The following CACNA2D1 variants were observed in gnomAD, a reference collection of about 807,000 sequenced individuals.
CACNA2D1 encodes voltage-dependent calcium channel subunit alpha-2/delta-1.
CACNA2D1 carries 53 observed loss-of-function variants against 171.5 expected under a neutral mutation model. That is an observed-to-expected ratio of 0.31 (90% CI 0.25 to 0.39). The LOEUF (loss-of-function observed/expected upper bound fraction) is 0.39, where lower values mean the gene tolerates loss of function less well. CACNA2D1 is among the 10% of genes least tolerant of loss of function. The pLI, the probability that CACNA2D1 is intolerant of heterozygous loss-of-function variation, is 1.00. For missense variants in CACNA2D1, 903 were observed against 1,299.8 expected, an observed-to-expected ratio of 0.69 and a Z score of 4.69; for synonymous variants, 442 against 443.1, an observed-to-expected ratio of 1.00 and a Z score of 0.03.
chr7:82,101,144 C>T (rs74341659), intron 6 of CACNA2D1, among the ~76,000 whole-genome samples: 6,268 of 152,118 alleles, frequency 0.041, 182 homozygotes, highest in Middle Eastern at 0.061. Flanking sequence ...GTAGTCACCA[C>T]ACACTAACAT....
intron 3 of CACNA2D1, among the ~76,000 whole-genome samples, chr7:82,311,289 A>G (rs1814434655): frequency 6.6e-6 from 1 of 152,062 alleles, no homozygotes; most frequent in South Asian, 2.1e-4. Flanking sequence ...GACTACAAGT[A>G]TTCTTAAATA....
chr7:82,376,596 C>T (rs1823039639), intron 1 of CACNA2D1, among the ~76,000 whole-genome samples: 1 of 152,106 alleles, frequency 6.6e-6, no homozygotes, highest in African/African-American at 2.4e-5. Context: ...ACTTCTTTTC[C>T]GAATATACAT....
chr7:82,305,493 T>G, intron 3 of CACNA2D1, among the ~76,000 whole-genome samples: 1 of 152,240 alleles, frequency 6.6e-6, no homozygotes, highest in Non-Finnish European at 1.5e-5. Context: ...TCTAGGAAAT[T>G]AACTCAACCA....
At chr7:82,392,290 C>T (rs1329688166) in intron 1 of CACNA2D1, among the ~76,000 whole-genome samples, 4 of 152,204 alleles carry the variant, frequency 2.6e-5, no homozygotes, top group Middle Eastern at 6.3e-3. Flanking sequence ...AAGGCCCAGA[C>T]CCAGCCACAC....
rs774565705 is a variant in CACNA2D1 at position 82,000,771 on chromosome 7, C to CTTTTTTTTTTT, written c.1591-3532_1591-3522dup. 1.6e-3 allele frequency among the ~76,000 whole-genome samples: 81 copies of CTTTTTTTTTTT among 51,958 alleles called. 16 individuals carry two copies. Among genetic ancestry groups the CTTTTTTTTTTT allele is most frequent in the Non-Finnish European group, 2.3e-3 (65 of 27,694 alleles). The allele number at this position is 51,958 out of a possible 152,430, so 34.1% of individuals were successfully genotyped here. A position where few individuals can be genotyped will look rare whatever the true frequency, so the allele number is the denominator to read the frequency against. On this transcript the variant is annotated intron_variant, in intron 18 of 38. Coordinates refer to ENST00000356860, the MANE Select transcript of CACNA2D1 (RefSeq NM_000722.4). Reference sequence around the variant, plus strand: ...TACCATGCCTAACTAATTTTTCTTTCTTTTTTTTTTTTTTTTTTTTTTTTT... The same window carrying CTTTTTTTTTTT: ...TACCATGCCTAACTAATTTTTCTTTCTTTTTTTTTTTTTTTTTTTTTTTTTTTTTTTTTTTT...
chr7:82,253,767 C>T (rs1563263753), intron 3 of CACNA2D1, among the ~76,000 whole-genome samples: 1 of 152,094 alleles, frequency 6.6e-6, no homozygotes, highest in Non-Finnish European at 1.5e-5. Flanking sequence ...CAGAAACTTG[C>T]AAGGTCTCAG....
chr7:82,352,902 G>A (rs1047599122), intron 1 of CACNA2D1, among the ~76,000 whole-genome samples: 1 of 152,174 alleles, frequency 6.6e-6, no homozygotes, highest in African/African-American at 2.4e-5. Flanking sequence ...TATGGAATGA[G>A]GGCAGGAGTG....
Position 81,968,982 on chromosome 7 carries a change from A to T in CACNA2D1, c.2309-9T>A, listed in dbSNP as rs370816599. On this transcript the variant is annotated splice_polypyrimidine_tract_variant and intron_variant, in intron 28 of 38. Transcript: ENST00000356860. ...GGCACCAGGTCCACTTTCTAAAAAA[A>T]AAATAAATAAATAAAACACCTATCA... 324 of 1,444,342 alleles carry T rather than the reference A, an allele frequency of 2.2e-4. 1 individual carries two copies. The highest frequency in any genetic ancestry group is 1.6e-3 in the African/African-American group (112 of 71,456). 89.5% of individuals were successfully genotyped at this position (1,444,342 alleles called of 1,614,324 possible). A position where few individuals can be genotyped will look rare whatever the true frequency, so the allele number is the denominator to read the frequency against.
intron 26 of CACNA2D1, among the ~76,000 whole-genome samples, chr7:81,971,564 T>C (rs1161173666): frequency 2.0e-5 from 3 of 151,636 alleles, no homozygotes; most frequent in Non-Finnish European, 3.0e-5. Context: ...CTGAAGTGTA[T>C]GTGCATGAAA....
intron 3 of CACNA2D1, among the ~76,000 whole-genome samples, chr7:82,219,580 T>C (rs1563217463): frequency 6.6e-6 from 1 of 152,154 alleles, no homozygotes; most frequent in African/African-American, 2.4e-5. Context: ...TAAGTTGTGT[T>C]TTAACCATTT....
At chr7:82,383,540 A>G (rs1287739818) in intron 1 of CACNA2D1, among the ~76,000 whole-genome samples, 1 of 152,238 alleles carries the variant, frequency 6.6e-6, no homozygotes, top group Non-Finnish European at 1.5e-5. Context: ...GAATTCCAAT[A>G]AAAATGGACA....
intron 1 of CACNA2D1, among the ~76,000 whole-genome samples, chr7:82,381,162 CAATT>C (rs1318905570): frequency 6.6e-6 from 1 of 151,608 alleles, no homozygotes; most frequent in African/African-American, 2.4e-5. Context: ...AATGCAAAAA[CAATT>C]AACTGGCCGT....
chr7:82,279,933 C>A (rs1379937726), intron 3 of CACNA2D1, among the ~76,000 whole-genome samples: 1 of 151,946 alleles, frequency 6.6e-6, no homozygotes, highest in African/African-American at 2.4e-5. Context: ...CTTAAGTGAT[C>A]AAAACTAATT....
intron 10 of CACNA2D1, among the ~76,000 whole-genome samples, chr7:82,040,023 C>G (rs1466129814): frequency 6.6e-6 from 1 of 152,132 alleles, no homozygotes; most frequent in African/African-American, 2.4e-5. Flanking sequence ...AAGAGTGCAT[C>G]CTAGCTGCTG....
At chr7:82,217,941 T>TTA (rs1320795857) in intron 3 of CACNA2D1, among the ~76,000 whole-genome samples, 1 of 107,098 alleles carries the variant, frequency 9.3e-6, no homozygotes, top group Non-Finnish European at 1.8e-5. Flanking sequence ...TTATTTATAT[T>TTA]TTTATTTTTT....
At chr7:82,169,483 A>G (rs1258172453) in intron 4 of CACNA2D1, among the ~76,000 whole-genome samples, 2 of 152,058 alleles carry the variant, frequency 1.3e-5, no homozygotes, top group African/African-American at 4.8e-5. Flanking sequence ...AAAAATAAAT[A>G]ATATCACAAG....
intron 5 of CACNA2D1, among the ~76,000 whole-genome samples, chr7:82,120,909 C>T (rs1296050225): frequency 6.7e-6 from 1 of 148,944 alleles, no homozygotes; most frequent in East Asian, 2.0e-4. Context: ...TTAAACATTA[C>T]TTTAAACATT....
chr7:82,395,672 T>C (rs1206583676), intron 1 of CACNA2D1, among the ~76,000 whole-genome samples: 1 of 152,164 alleles, frequency 6.6e-6, no homozygotes, highest in African/African-American at 2.4e-5. Flanking sequence ...TTGGGTACAA[T>C]TAATAGTCTG....
At chr7:82,415,749 A>G (rs939597385) in intron 1 of CACNA2D1, among the ~76,000 whole-genome samples, 6 of 151,834 alleles carry the variant, frequency 4.0e-5, no homozygotes, top group Non-Finnish European at 8.8e-5. Context: ...GATTAATCTT[A>G]ATTTAATTAA....
Sources: gnomAD v4.1 joint callset for allele counts (sites outside exome capture counted in the v4.1 genomes callset) on GRCh38, gnomAD v4.1.1 for gene constraint, MANE v1.5 for transcripts, NCBI Gene and HGNC (gene_info 2026-07-23, HGNC 2026-07-21) for gene names.